CHCHD3: variants seen among roughly 807,000 people sequenced by gnomAD.
CHCHD3 encodes the protein coiled-coil-helix-coiled-coil-helix domain containing 3, also known as MICOS complex subunit MIC19.
A neutral mutation model predicts 38.2 loss-of-function variants in CHCHD3; 20 were observed. The ratio of observed to expected loss-of-function variants is 0.52; its 90% CI spans 0.37 to 0.76. The LOEUF (loss-of-function observed/expected upper bound fraction) is 0.76, where lower values mean the gene tolerates loss of function less well. CHCHD3 is among the 30% of genes least tolerant of loss of function. CHCHD3 has a pLI of 0.00. For synonymous variants in CHCHD3, 82 were observed against 100.0 expected, an observed-to-expected ratio of 0.82 and a Z score of 1.07; for missense variants, 245 against 279.2, an observed-to-expected ratio of 0.88 and a Z score of 0.87.
At chr7:133,057,765 A>T (rs2117513563) in intron 2 of CHCHD3, among the ~76,000 whole-genome samples, 1 of 152,262 alleles carries the variant, frequency 6.6e-6, no homozygotes, top group East Asian at 1.9e-4. Context: ...TAATTAGAGG[A>T]AAAATTTATT....
At chr7:132,923,473 T>C (rs1223090069) in intron 4 of CHCHD3, among the ~76,000 whole-genome samples, 1 of 152,166 alleles carries the variant, frequency 6.6e-6, no homozygotes, top group Non-Finnish European at 1.5e-5. Flanking sequence ...ATTCCATTTA[T>C]ACAATGACCA....
At chr7:132,876,863 C>G (rs1396558729) in intron 5 of CHCHD3, among the ~76,000 whole-genome samples, 1 of 152,118 alleles carries the variant, frequency 6.6e-6, no homozygotes, top group Admixed American at 6.6e-5. Context: ...AGTTTAGTGT[C>G]TTGTAAATTT....
chr7:132,962,170 C>T (rs1811335635), intron 4 of CHCHD3, among the ~76,000 whole-genome samples: 1 of 152,128 alleles, frequency 6.6e-6, no homozygotes, highest in South Asian at 2.1e-4. Flanking sequence ...CCAATTTAGC[C>T]AAGAAAATAG....
chr7:133,048,673 T>A (rs542629017), intron 2 of CHCHD3, among the ~76,000 whole-genome samples: 1 of 151,720 alleles, frequency 6.6e-6, no homozygotes, highest in Admixed American at 6.6e-5. Flanking sequence ...TGTAGGAAAC[T>A]CCCCCCTAAA....
At chr7:133,076,131 A>T (rs1456688853) in intron 1 of CHCHD3, among the ~76,000 whole-genome samples, 1 of 151,532 alleles carries the variant, frequency 6.6e-6, no homozygotes, top group Non-Finnish European at 1.5e-5. Flanking sequence ...GCACTTGTTT[A>T]AGCAAAGCCT....
intron 5 of CHCHD3, among the ~76,000 whole-genome samples, chr7:132,869,277 T>C (rs1163655458): frequency 6.6e-6 from 1 of 152,170 alleles, no homozygotes; most frequent in Non-Finnish European, 1.5e-5. Flanking sequence ...GTTTCTTCTC[T>C]GTGTACCTAC....
chr7:132,954,536 G>T (rs1024016022), intron 4 of CHCHD3, among the ~76,000 whole-genome samples: 1 of 152,146 alleles, frequency 6.6e-6, no homozygotes, highest in Non-Finnish European at 1.5e-5. Context: ...CAGTGGTTGA[G>T]AGGTGAAGGC....
chr7:132,913,948 C>CTTTTTTTT (rs71178066), intron 4 of CHCHD3, among the ~76,000 whole-genome samples: 1 of 102,346 alleles, frequency 9.8e-6, no homozygotes, highest in Non-Finnish European at 2.0e-5. Context: ...TTTTCTTTTT[C>CTTTTTTTT]TTTTTTTTTT....
intron 5 of CHCHD3, among the ~76,000 whole-genome samples, chr7:132,861,353 C>T (rs1808487194): frequency 6.6e-6 from 1 of 152,160 alleles, no homozygotes; most frequent in African/African-American, 2.4e-5. Flanking sequence ...AAACCCCTCT[C>T]CTATTTTCTC....
intron 4 of CHCHD3, among the ~76,000 whole-genome samples, chr7:132,920,912 C>T (rs1250568470): frequency 6.6e-6 from 1 of 152,056 alleles, no homozygotes; most frequent in African/African-American, 2.4e-5. Flanking sequence ...GCTGAGACAG[C>T]TCGGCTTCTT....
chr7:132,954,908 T>A (rs1014190835), intron 4 of CHCHD3, among the ~76,000 whole-genome samples: 1 of 152,174 alleles, frequency 6.6e-6, no homozygotes, highest in Non-Finnish European at 1.5e-5. Context: ...TCAAGCTCCA[T>A]GACCTTGTCC....
chr7:132,870,230 G>A (rs1303264249), intron 5 of CHCHD3, among the ~76,000 whole-genome samples: 1 of 151,566 alleles, frequency 6.6e-6, no homozygotes, highest in African/African-American at 2.4e-5. Context: ...CGTGCATGTA[G>A]TCTCAGGTAT....
chr7:132,929,003 G>A (rs959101170), intron 4 of CHCHD3, among the ~76,000 whole-genome samples: 11 of 151,666 alleles, frequency 7.3e-5, no homozygotes, highest in African/African-American at 2.4e-4. Context: ...TCTTTCCCTC[G>A]ACTCTCAAAC....
At chr7:133,019,047 C>A (rs1313058172) in intron 3 of CHCHD3, among the ~76,000 whole-genome samples, 4 of 151,874 alleles carry the variant, frequency 2.6e-5, no homozygotes, top group African/African-American at 9.7e-5. Context: ...CCACACCCAG[C>A]TAATTTTGTA....
chr7:132,956,665 C>A (rs973173863), intron 4 of CHCHD3, among the ~76,000 whole-genome samples: 7 of 152,214 alleles, frequency 4.6e-5, no homozygotes, highest in African/African-American at 1.7e-4. Context: ...TAAGAACACA[C>A]AGAGGCTACA....
intron 5 of CHCHD3, among the ~76,000 whole-genome samples, chr7:132,850,719 T>G (rs542303928): frequency 6.6e-6 from 1 of 152,288 alleles, no homozygotes; most frequent in East Asian, 1.9e-4. Context: ...AGCAAACAGA[T>G]GAATGGCCCT....
chr7:133,070,270 C>A (rs1353327430), intron 1 of CHCHD3, 41 bp from the exon 2 acceptor site: 23 of 1,550,144 alleles, frequency 1.5e-5, no homozygotes, highest in Middle Eastern at 1.7e-4. Context: ...TATAAAACAG[C>A]AAGATCAAAA....
At chr7:132,819,102 G>A (rs537877829) in intron 6 of CHCHD3, among the ~76,000 whole-genome samples, 3 of 152,318 alleles carry the variant, frequency 2.0e-5, no homozygotes, top group African/African-American at 7.2e-5. Context: ...TATATGCCAG[G>A]TGCTTGGGCA....
intron 4 of CHCHD3, among the ~76,000 whole-genome samples, chr7:132,967,764 A>G (rs886846943): frequency 6.6e-6 from 1 of 151,600 alleles, no homozygotes; most frequent in Non-Finnish European, 1.5e-5. Context: ...TGGGAGGTCA[A>G]GGCTGCAATG....
Sources: allele counts gnomAD v4.1 joint callset (sites outside exome capture counted in the v4.1 genomes callset), GRCh38; gene constraint gnomAD v4.1.1; transcripts MANE v1.5; gene names NCBI Gene and HGNC (gene_info 2026-07-23, HGNC 2026-07-21).